Variants in MIER2 observed in about 807,000 individuals in gnomAD.
The protein encoded by MIER2 is mesoderm induction early response protein 2.
A neutral mutation model predicts 67.6 loss-of-function variants in MIER2; 30 were observed. The ratio of observed to expected loss-of-function variants is 0.44; its 90% CI spans 0.33 to 0.60. MIER2 has a LOEUF of 0.60. Among genes scored for constraint, MIER2 ranks in the 20% least tolerant of loss-of-function variants. The pLI is 0.02. For synonymous variants in MIER2, 372 were observed against 312.6 expected (o/e 1.19, Z -2.00); for missense variants, 702 against 745.1 (o/e 0.94, Z 0.67).
intron 7 of MIER2, among the ~76,000 whole-genome samples, chr19:316,400 C>T (rs578010177): frequency 6.6e-6 from 1 of 152,022 alleles, no homozygotes; most frequent in South Asian, 2.1e-4. Flanking sequence ...TCAAGCGATT[C>T]TCCTGCCTCA....
At chr19:310,555 A>AGG (rs1970913103) in intron 10 of MIER2, among the ~76,000 whole-genome samples, 2 of 150,640 alleles carry the variant, frequency 1.3e-5, no homozygotes, top group East Asian at 2.0e-4. Context: ...CTGCAGAAAC[A>AGG]CGGCCCGGAG....
chr19:326,657 C>G, intron 5 of MIER2, 59 bp from the exon 6 acceptor site: 2 of 1,332,500 alleles, frequency 1.5e-6, no homozygotes, highest in Non-Finnish European at 2.2e-6. Flanking sequence ...CTATACAACC[C>G]CTTCTCTCCA....
chr19:331,920 G>A (rs1411534330), intron 3 of MIER2, among the ~76,000 whole-genome samples: 1 of 152,064 alleles, frequency 6.6e-6, no homozygotes, highest in Non-Finnish European at 1.5e-5. Flanking sequence ...GGCGGAGGAT[G>A]CAGTGAGCCA....
chr19:324,477 A>G lies in MIER2; in HGVS notation c.655+1158T>C, dbSNP rs376434948. 2.4e-4 allele frequency among the ~76,000 whole-genome samples: 34 copies of G among 140,108 alleles called. No homozygotes were observed. The South Asian group carries it at 6.7e-3, about 28-fold the overall frequency. The allele number at this position is 140,108 out of a possible 152,430, so 91.9% of individuals were successfully genotyped here. ...CACAGACGTCATCACAATGCAATAC[A>G]CAAGACACACACAACCACGCAGATG... On this transcript the variant is annotated intron_variant, in intron 7 of 13. Transcript: ENST00000264819.
chr19:325,549 AC>A (rs1485004340), intron 7 of MIER2, 85 bp downstream of exon 7: 58 of 1,503,278 alleles, frequency 3.9e-5, no homozygotes, highest in Non-Finnish European at 2.8e-6. Context: ...CGGGGACCTG[AC>A]CAGACTGTCC....
At chr19:307,863 G>A (rs1433993941) in intron 12 of MIER2, among the ~76,000 whole-genome samples, 1 of 152,130 alleles carries the variant, frequency 6.6e-6, no homozygotes, top group Non-Finnish European at 1.5e-5. Context: ...CACAGACTTA[G>A]GTGTAAACAA....
intron 3 of MIER2, among the ~76,000 whole-genome samples, chr19:328,268 G>C (rs1453556011): frequency 6.6e-5 from 10 of 152,098 alleles, no homozygotes; most frequent in Non-Finnish European, 1.5e-4. Context: ...GTGAATTACA[G>C]GAATACAAGG....
chr19:327,277 G>C (rs772824739), intron 4 of MIER2, 21 bp from the exon 5 acceptor site: 1 of 1,436,630 alleles, frequency 7.0e-7, no homozygotes, highest in Non-Finnish European at 9.4e-7. Context: ...AAAAAAAAAA[G>C]TAAAGAACAT....
chr19:306,323 A>T lies in MIER2; in HGVS notation c.*367T>A, dbSNP rs1970647021. ...GTCCTGCCCGTCTCCCCGCCGGGGC[A>T]GTGACGCCTTCCCTCGCCTCTGCTG... is the stretch of plus-strand genomic sequence containing the variant. On this transcript the variant is annotated 3_prime_UTR_variant, in exon 14 of 14. Transcript: ENST00000264819. The T allele has an allele frequency of 9.7e-6, 3 of 309,616 alleles. No homozygotes were observed. In the South Asian group the frequency reaches 2.0e-4, roughly 20 times the overall value. 19.2% of individuals were successfully genotyped at this position (309,616 alleles called of 1,614,324 possible).
chr19:309,032 C>T (rs1356626939), intron 10 of MIER2, 107 bp from the exon 11 acceptor site: 7 of 1,450,022 alleles, frequency 4.8e-6, no homozygotes, highest in African/African-American at 1.4e-5. Flanking sequence ...AGAAGGAGCA[C>T]AGCACCCACC....
At chr19:318,779 G>A (rs1010655937) in intron 7 of MIER2, among the ~76,000 whole-genome samples, 2 of 152,140 alleles carry the variant, frequency 1.3e-5, no homozygotes, top group Admixed American at 6.6e-5. Flanking sequence ...AAAGGAGGCT[G>A]GGCGCGGTGG....
At chr19:321,339 T>C (rs1034682834) in intron 7 of MIER2, among the ~76,000 whole-genome samples, 6 of 152,166 alleles carry the variant, frequency 3.9e-5, no homozygotes, top group African/African-American at 1.4e-4. Context: ...CACCGTTAAC[T>C]TAACGTTTGA....
intron 9 of MIER2, 105 bp from the exon 10 acceptor site, chr19:312,044 C>T (rs866479761): frequency 9.1e-6 from 11 of 1,204,552 alleles, no homozygotes; most frequent in East Asian, 3.1e-5. Context: ...AGGGCGGGGC[C>T]GCAGCGGAAG....
Position 308,486 on chromosome 19 carries a change from G to A in MIER2, c.1198+91C>T. ...CTCCTGGCGAGGCTGGCCCAGCACA[G>A]GGCGCCAGGCAGGAGAGGCTCCACC... On this transcript the variant is annotated intron_variant, in intron 12 of 13. Coordinates refer to ENST00000264819, the MANE Select transcript of MIER2 (RefSeq NM_017550.3). This position sits in a 1 kb window ranked among gnomAD's most constrained non-coding sequence, Gnocchi z 9.1. The A allele has an allele frequency of 7.3e-7, 1 of 1,361,884 alleles. No homozygotes were observed. The highest frequency in any genetic ancestry group is 1.0e-6 in the Non-Finnish European group (1 of 1,003,902). The allele number at this position is 1,361,884 out of a possible 1,614,324, so 84.4% of individuals were successfully genotyped here.
intron 7 of MIER2, among the ~76,000 whole-genome samples, chr19:318,370 C>G (rs565868930): frequency 5.4e-4 from 82 of 152,152 alleles, no homozygotes; most frequent in Non-Finnish European, 5.4e-4. Context: ...TACAGAGAGA[C>G]ACGTCACAAT....
intron 7 of MIER2, among the ~76,000 whole-genome samples, chr19:317,062 T>C (rs925274929): frequency 1.3e-5 from 2 of 152,154 alleles, no homozygotes; most frequent in South Asian, 4.2e-4. Context: ...AAGGACAAAA[T>C]AAACCTATTA....
At chr19:333,997 G>A (rs1045900309) in intron 3 of MIER2, 2 of 166,110 alleles carry the variant, frequency 1.2e-5, no homozygotes, top group African/African-American at 4.8e-5. Context: ...CGACAATTTT[G>A]TATTCTTAGT....
chr19:337,248 G>A (rs559034745), intron 1 of MIER2, among the ~76,000 whole-genome samples: 22 of 152,110 alleles, frequency 1.4e-4, no homozygotes, highest in East Asian at 1.9e-4. Flanking sequence ...AAGATTTACC[G>A]CAGGGATGCA....
intron 5 of MIER2, 151 bp from the exon 6 acceptor site, chr19:326,749 C>G (rs1247710563): frequency 1.5e-6 from 1 of 652,552 alleles, no homozygotes; most frequent in Non-Finnish European, 2.7e-6. Flanking sequence ...GCACAGGACC[C>G]AGGACCAGGG....
Sources: allele counts gnomAD v4.1 joint callset (sites outside exome capture counted in the v4.1 genomes callset), GRCh38; gene constraint gnomAD v4.1.1; non-coding constraint Gnocchi (gnomAD v3.1); transcripts MANE v1.5; gene names NCBI Gene and HGNC (gene_info 2026-07-23, HGNC 2026-07-21).